The following ABCA12 variants were observed in gnomAD, a reference collection of about 807,000 sequenced individuals.
The protein encoded by ABCA12 is glucosylceramide transporter ABCA12.
Under a neutral mutation model 293.5 loss-of-function variants are expected in ABCA12, and 156 were observed. The ratio of observed to expected loss-of-function variants is 0.53; its 90% CI spans 0.47 to 0.61. The LOEUF is 0.61. ABCA12 is among the 20% of genes least tolerant of loss of function. ABCA12 has a pLI of 0.00. For synonymous variants in ABCA12, 1,063 were observed against 1,108.0 expected (o/e 0.96, Z 0.81); for missense variants, 2,797 against 3,090.2 (o/e 0.91, Z 2.25).
chr2:215,087,966 G>A (rs1702074258), intron 2 of ABCA12, among the ~76,000 whole-genome samples: 1 of 152,160 alleles, frequency 6.6e-6, no homozygotes, highest in Non-Finnish European at 1.5e-5. Context: ...CATTTATGCT[G>A]CTATGGCAGC....
chr2:215,112,510 TTTTTTTGAGACAGAGTCTTGCTC>T (rs1702598195), intron 1 of ABCA12, among the ~76,000 whole-genome samples: 1 of 47,482 alleles, frequency 2.1e-5, no homozygotes, highest in African/African-American at 3.1e-5. Flanking sequence ...TTTTTTTGTT[TTTTTTTGAGACAGAGTCTTGCTC>T]TGTCACCCAG....
At position 214,937,464 on chromosome 2, in the gene ABCA12, C is replaced by T. The variant is rs753081159; in HGVS notation, c.7542+46G>A. The T allele has an allele frequency of 1.3e-5, 19 of 1,497,064 alleles. No individual in the cohort carries two copies. The Admixed American group carries it at 2.8e-4, about 22-fold the overall frequency. 92.7% of individuals were successfully genotyped at this position (1,497,064 alleles called of 1,614,324 possible). Reference sequence around the variant, plus strand: ...TTGCCCGCCTCGGACTCCCAAAGTGCTGGGATTACAGGCGTGAGCCACTGC... The same window carrying T: ...TTGCCCGCCTCGGACTCCCAAAGTGTTGGGATTACAGGCGTGAGCCACTGC... On this transcript the variant is annotated intron_variant, in intron 51 of 52. Transcript: ENST00000272895.
At chr2:215,007,431 T>C (rs1437784488) in intron 19 of ABCA12, among the ~76,000 whole-genome samples, 3 of 152,326 alleles carry the variant, frequency 2.0e-5, no homozygotes, top group Non-Finnish European at 4.4e-5. Flanking sequence ...AGCATTTTTG[T>C]AGCATTTTAA....
In ABCA12 at chr2:215,130,808, T is replaced by C. The variant is rs542324932; in HGVS notation, c.69+7332A>G. Among the ~76,000 whole-genome samples the C allele has an allele frequency of 2.4e-3, 367 of 152,272 alleles. 2 individuals carry two copies. The highest frequency in any genetic ancestry group is 3.9e-3 in the Non-Finnish European group (265 of 68,000). On this transcript the variant is annotated intron_variant, in intron 1 of 52. Transcript: ENST00000272895. ...TAGGAGTAGTGAGACTGAACATCCT[T>C]GTCTTGTTCCAATTCTTAGGGGAAA...
intron 23 of ABCA12, among the ~76,000 whole-genome samples, chr2:214,995,794 T>A (rs955939425): frequency 4.6e-5 from 7 of 151,746 alleles, no homozygotes; most frequent in Non-Finnish European, 1.0e-4. Context: ...GCCAAATAAA[T>A]CGTGACACCC....
chr2:215,030,856 A>C (rs1700862226), intron 9 of ABCA12, among the ~76,000 whole-genome samples: 1 of 152,234 alleles, frequency 6.6e-6, no homozygotes, highest in East Asian at 1.9e-4. Flanking sequence ...GAAAAAGAAA[A>C]AAATTGGTTA....
intron 48 of ABCA12, among the ~76,000 whole-genome samples, chr2:214,947,097 A>T (rs182715033): frequency 6.6e-6 from 1 of 152,320 alleles, no homozygotes; most frequent in Admixed American, 6.5e-5. Context: ...TGGGAATCAG[A>T]TGCTACCATA....
At chr2:215,100,215 C>T (rs1429451284) in intron 2 of ABCA12, among the ~76,000 whole-genome samples, 1 of 151,978 alleles carries the variant, frequency 6.6e-6, no homozygotes, top group Non-Finnish European at 1.5e-5. Flanking sequence ...GAGATTGTGT[C>T]TCCCTCTGTT....
Position 214,983,747 on chromosome 2 carries a change from C to A in ABCA12, c.4282G>T (p.Val1428Phe). The A allele has an allele frequency of 1.2e-6, 2 of 1,614,034 alleles. No individual in the cohort carries two copies. The highest frequency in any genetic ancestry group is 1.7e-6 in the Non-Finnish European group (2 of 1,179,980). ...TTAGTAGTGAGGTAACTGAACAAGA[C>A]GTCGTGCTGCATACAGACTCCCATG... ...KNMGVCMQHD[V>F]LFSYLTTKEH... Residue 1428 changes from valine to phenylalanine, a missense_variant, in exon 29 of 53, where the codon GTC becomes TTC. By Grantham distance (50) the Val-to-Phe change is conservative. This residue lies in a region of ABCA12 where 2,130 missense variants were observed against 2,427.0 expected (regional missense o/e 0.88). Coordinates refer to ENST00000272895, the MANE Select transcript of ABCA12 (RefSeq NM_173076.3).
intron 23 of ABCA12, among the ~76,000 whole-genome samples, chr2:214,995,495 G>A (rs1044005915): frequency 1.3e-5 from 2 of 152,134 alleles, no homozygotes; most frequent in African/African-American, 4.8e-5. Context: ...GGATTGGTTG[G>A]AAGTCAAAAT....
intron 26 of ABCA12, among the ~76,000 whole-genome samples, chr2:214,989,119 C>T (rs1220782909): frequency 7.1e-6 from 1 of 141,762 alleles, no homozygotes; most frequent in Non-Finnish European, 1.5e-5. Context: ...GTGGAGGTTG[C>T]AGTGAGCCGA....
chr2:215,034,992 C>T (rs12611775), intron 8 of ABCA12, among the ~76,000 whole-genome samples: 35,746 of 152,068 alleles, frequency 0.24, 4,430 homozygotes, highest in East Asian at 0.39. Context: ...TTCAAAAATA[C>T]TGCTGAACAC....
intron 26 of ABCA12, among the ~76,000 whole-genome samples, chr2:214,988,958 G>A (rs1313016729): frequency 2.0e-5 from 3 of 151,120 alleles, no homozygotes; most frequent in Admixed American, 6.6e-5. Context: ...GCGGGCAGAT[G>A]ACTTGAGATC....
At chr2:214,937,310 T>C (rs1276971980) in intron 51 of ABCA12, among the ~76,000 whole-genome samples, 200 bp downstream of exon 51, 4 of 152,226 alleles carry the variant, frequency 2.6e-5, no homozygotes, top group Admixed American at 6.5e-5. Context: ...GCAAGTCTCC[T>C]GCCTCAGCCT....
At chr2:215,082,062 T>TC (rs1462420875) in intron 2 of ABCA12, among the ~76,000 whole-genome samples, 3 of 149,518 alleles carry the variant, frequency 2.0e-5, no homozygotes, top group African/African-American at 7.4e-5. Flanking sequence ...TTTTTTTTTT[T>TC]GAGACAGAGT....
chr2:214,953,704 AAT>A (rs2105931075), intron 44 of ABCA12, 148 bp downstream of exon 44: 2 of 946,880 alleles, frequency 2.1e-6, no homozygotes, highest in East Asian at 5.3e-5. Flanking sequence ...GAATAAAATA[AAT>A]AGTGAATTAT....
chr2:215,128,230 CTCTT>C (rs1442765442), intron 1 of ABCA12, among the ~76,000 whole-genome samples: 1 of 152,132 alleles, frequency 6.6e-6, no homozygotes, highest in Non-Finnish European at 1.5e-5. Flanking sequence ...GCTCTTAAGA[CTCTT>C]TCCTTCATCT....
At chr2:215,109,934 T>C (rs957206719) in intron 2 of ABCA12, among the ~76,000 whole-genome samples, 3 of 152,226 alleles carry the variant, frequency 2.0e-5, no homozygotes, top group African/African-American at 7.2e-5. Flanking sequence ...ATAGTTAGCA[T>C]ATTAAACCAG....
At position 215,109,829 on chromosome 2, in the gene ABCA12, T is replaced by C. The variant is rs186956520; in HGVS notation, c.163+1768A>G. Reference sequence around the variant, plus strand: ...CTTGGAAGTTTTACAAGAGGAACTTTATGTAACTGAAAAGTCCTTAAAAAC... The same window carrying C: ...CTTGGAAGTTTTACAAGAGGAACTTCATGTAACTGAAAAGTCCTTAAAAAC... On this transcript the variant is annotated intron_variant, in intron 2 of 52. Transcript: ENST00000272895. Among the ~76,000 whole-genome samples the C allele has an allele frequency of 6.8e-3, 1,039 of 152,336 alleles. 12 individuals carry two copies. Among genetic ancestry groups the C allele is most frequent in the African/African-American group, 0.024 (978 of 41,590 alleles).
Sources: allele counts gnomAD v4.1 joint callset (sites outside exome capture counted in the v4.1 genomes callset), GRCh38; gene constraint gnomAD v4.1.1; regional missense constraint gnomAD v4.1.1; transcripts MANE v1.5; gene names NCBI Gene and HGNC (gene_info 2026-07-23, HGNC 2026-07-21).